Variants in SLC9A9 observed in about 807,000 individuals in gnomAD.
SLC9A9 encodes solute carrier family 9 member A9, also known as sodium/hydrogen exchanger 9.
In SLC9A9, 62 loss-of-function variants were observed where a neutral mutation model predicts 77.8. The observed-to-expected ratio is 0.80, with a 90% CI of 0.65 to 0.98. SLC9A9 has a LOEUF of 0.98. SLC9A9 is among the 50% of genes least tolerant of loss of function. The pLI is 0.00. For synonymous variants in SLC9A9, 320 were observed against 283.5 expected, an observed-to-expected ratio of 1.13 and a Z score of -1.29; for missense variants, 775 against 774.9, an observed-to-expected ratio of 1.00 and a Z score of 0.00.
At chr3:143,800,213 C>T (rs1397640534) in intron 2 of SLC9A9, among the ~76,000 whole-genome samples, 1 of 152,118 alleles carries the variant, frequency 6.6e-6, no homozygotes, top group African/African-American at 2.4e-5. Context: ...CCTTGGTGAC[C>T]AATCATGCAC....
intron 12 of SLC9A9, among the ~76,000 whole-genome samples, chr3:143,439,045 C>T (rs530238398): frequency 7.2e-5 from 11 of 152,244 alleles, no homozygotes; most frequent in East Asian, 1.9e-4. Context: ...CTGCAGGTGA[C>T]GGGGTTATAA....
chr3:143,403,905 A>G (rs2108514052), intron 12 of SLC9A9, among the ~76,000 whole-genome samples: 1 of 152,046 alleles, frequency 6.6e-6, no homozygotes, highest in East Asian at 1.9e-4. Context: ...TCCTTGGATT[A>G]TTTTTTTCTG....
intron 2 of SLC9A9, among the ~76,000 whole-genome samples, chr3:143,815,353 C>T (rs2008977804): frequency 6.6e-6 from 1 of 152,066 alleles, no homozygotes; most frequent in African/African-American, 2.4e-5. Context: ...CAGCTTAGTG[C>T]CATTGACAGT....
intron 7 of SLC9A9, among the ~76,000 whole-genome samples, chr3:143,576,580 T>G (rs2037363440): frequency 6.6e-6 from 1 of 152,194 alleles, no homozygotes; most frequent in African/African-American, 2.4e-5. Flanking sequence ...AAACAACACC[T>G]GGCCTCCACA....
At chr3:143,696,824 C>T (rs79247896) in intron 4 of SLC9A9, among the ~76,000 whole-genome samples, 6,751 of 152,018 alleles carry the variant, frequency 0.044, 198 homozygotes, top group East Asian at 0.11. Flanking sequence ...CAAGGTATGG[C>T]AGGGTTACAT....
At chr3:143,521,743 C>T (rs1216871180) in intron 9 of SLC9A9, among the ~76,000 whole-genome samples, 1 of 152,096 alleles carries the variant, frequency 6.6e-6, no homozygotes, top group African/African-American at 2.4e-5. Flanking sequence ...TATAAGTACT[C>T]AAATTCCTTC....
intron 14 of SLC9A9, among the ~76,000 whole-genome samples, chr3:143,329,799 C>A (rs758635589): frequency 6.6e-6 from 1 of 152,158 alleles, no homozygotes; most frequent in Non-Finnish European, 1.5e-5. Flanking sequence ...CCCCAGGCCA[C>A]GTGAGCCTCG....
At chr3:143,726,169 GAC>G (rs960809889) in intron 4 of SLC9A9, among the ~76,000 whole-genome samples, 1 of 147,744 alleles carries the variant, frequency 6.8e-6, no homozygotes, top group Non-Finnish European at 1.5e-5. Flanking sequence ...AAACCACCAT[GAC>G]ACACGTTTAC....
chr3:143,581,787 C>A (rs1012916457), intron 6 of SLC9A9, among the ~76,000 whole-genome samples: 12 of 152,278 alleles, frequency 7.9e-5, no homozygotes, highest in Non-Finnish European at 1.2e-4. Flanking sequence ...ACATGGGCAG[C>A]ACCTTCCTGT....
rs188405069 is a variant in SLC9A9, at chr3:143,467,241, C to T, written c.1316-51G>A. 6.4e-4 allele frequency: 1,021 copies of T among 1,607,398 alleles called. 7 individuals are homozygous for T. The African/African-American group carries it at 9.6e-3, about 15-fold the overall frequency. On this transcript the variant is annotated intron_variant, in intron 11 of 15. Coordinates refer to ENST00000316549, the MANE Select transcript of SLC9A9 (RefSeq NM_173653.4). Reference sequence around the variant, plus strand: ...ATAAATGCCTTGCAGGTGTCTTTTTCATTTCAATGGATTCATCTTTACAAT... The same window carrying T: ...ATAAATGCCTTGCAGGTGTCTTTTTTATTTCAATGGATTCATCTTTACAAT...
chr3:143,818,711 C>CTG (rs2009084797), intron 2 of SLC9A9, among the ~76,000 whole-genome samples: 1 of 2,244 alleles, frequency 4.5e-4, no homozygotes, highest in South Asian at 0.17. Context: ...AGTTTTTTCA[C>CTG]TTTTCAAAAA....
chr3:143,437,387 C>A (rs142429155), intron 12 of SLC9A9, among the ~76,000 whole-genome samples: 3 of 152,204 alleles, frequency 2.0e-5, no homozygotes, highest in Non-Finnish European at 4.4e-5. Context: ...GCCAGACAGG[C>A]TCAGATCCCA....
chr3:143,636,955 G>A (rs899710557), intron 6 of SLC9A9, among the ~76,000 whole-genome samples: 4 of 152,192 alleles, frequency 2.6e-5, no homozygotes, highest in African/African-American at 7.2e-5. Context: ...CCCAACATAT[G>A]CAACAGTCAC....
chr3:143,664,993 C>T (rs1469090594), intron 5 of SLC9A9, among the ~76,000 whole-genome samples: 1 of 152,238 alleles, frequency 6.6e-6, no homozygotes, highest in Non-Finnish European at 1.5e-5. Flanking sequence ...ACCTAATAGA[C>T]ATCTACAGAA....
intron 12 of SLC9A9, among the ~76,000 whole-genome samples, chr3:143,435,254 G>A (rs1220704184): frequency 6.6e-6 from 1 of 152,076 alleles, no homozygotes; most frequent in Non-Finnish European, 1.5e-5. Context: ...TGACTGGTTT[G>A]TTTTTGAATT....
At chr3:143,750,058 C>T (rs2006658299) in intron 4 of SLC9A9, among the ~76,000 whole-genome samples, 1 of 152,064 alleles carries the variant, frequency 6.6e-6, no homozygotes, top group Admixed American at 6.6e-5. Flanking sequence ...AAAATAAAAG[C>T]TCCGGGCAGA....
intron 4 of SLC9A9, among the ~76,000 whole-genome samples, chr3:143,699,727 A>G (rs1933741675): frequency 6.6e-6 from 1 of 152,118 alleles, no homozygotes; most frequent in African/African-American, 2.4e-5. Flanking sequence ...CTGGGGCCCT[A>G]AATAAACTTG....
At chr3:143,300,430 A>G (rs1341251004) in intron 14 of SLC9A9, among the ~76,000 whole-genome samples, 1 of 152,232 alleles carries the variant, frequency 6.6e-6, no homozygotes, top group Non-Finnish European at 1.5e-5. Flanking sequence ...GTGTTTGGAA[A>G]TGTATAAACT....
intron 8 of SLC9A9, among the ~76,000 whole-genome samples, chr3:143,557,054 T>A (rs1315671031): frequency 6.6e-6 from 1 of 152,146 alleles, no homozygotes; most frequent in African/African-American, 2.4e-5. Context: ...GTGGTTCTCA[T>A]AATCCCCATG....
Sources: gnomAD v4.1 joint callset for allele counts (sites outside exome capture counted in the v4.1 genomes callset) on GRCh38, gnomAD v4.1.1 for gene constraint, MANE v1.5 for transcripts, NCBI Gene and HGNC (gene_info 2026-07-23, HGNC 2026-07-21) for gene names.